Variants in BCAS3 observed in about 807,000 individuals in gnomAD.
The protein encoded by BCAS3 is BCAS4/BCAS3 fusion.
In BCAS3, 53 loss-of-function variants were observed where a neutral mutation model predicts 116.1. The ratio of observed to expected loss-of-function variants is 0.46; its 90% confidence interval spans 0.37 to 0.57. BCAS3 has a LOEUF of 0.57. Ranked by LOEUF, BCAS3 falls within the 20% of genes least tolerant of loss-of-function variation. The pLI is 0.00. For synonymous variants in BCAS3, 391 were observed against 408.2 expected, an observed-to-expected ratio of 0.96 and a Z score of 0.51; for missense variants, 917 against 1,165.4, an observed-to-expected ratio of 0.79 and a Z score of 3.10.
intron 22 of BCAS3, among the ~76,000 whole-genome samples, chr17:61,334,788 T>G (rs2056591527): frequency 1.3e-5 from 2 of 152,142 alleles, no homozygotes; most frequent in African/African-American, 4.8e-5. Flanking sequence ...ATTGTATTTT[T>G]GGGAAACCTA....
intron 22 of BCAS3, among the ~76,000 whole-genome samples, chr17:61,120,540 A>G (rs766173958): frequency 6.6e-5 from 10 of 152,104 alleles, no homozygotes; most frequent in Non-Finnish European, 1.0e-4. Context: ...ATATGCAGAT[A>G]TAGAGTGAAT....
chr17:61,292,417 G>A (rs9890104), intron 22 of BCAS3, among the ~76,000 whole-genome samples: 179 of 152,234 alleles, frequency 1.2e-3, no homozygotes, highest in African/African-American at 4.0e-3. Context: ...TTGGGAGGCC[G>A]AGGTGGGCAG....
In BCAS3 at chr17:61,355,385, A is replaced by G. The variant is rs2058086730; in HGVS notation, c.2426-12942A>G. 1.3e-5 allele frequency among the ~76,000 whole-genome samples: 2 copies of G among 151,210 alleles called. No homozygotes were observed. On this transcript the variant is annotated intron_variant, in intron 22 of 23. Transcript: ENST00000407086. This position sits in a 1 kb window ranked among gnomAD's most constrained non-coding sequence, Gnocchi z 4.2. Reference sequence around the variant, plus strand: ...AGGATTTAGCTGGGTTGCTCCCTCCACCCCCTACCACCCAACTGCAAGAAC... The same window carrying G: ...AGGATTTAGCTGGGTTGCTCCCTCCGCCCCCTACCACCCAACTGCAAGAAC...
chr17:61,216,724 A>C (rs1396999699), intron 22 of BCAS3, among the ~76,000 whole-genome samples: 1 of 150,870 alleles, frequency 6.6e-6, no homozygotes, highest in East Asian at 2.0e-4. Flanking sequence ...TTGTATTTTT[A>C]GTAGAGACGG....
At chr17:61,280,353 C>T in intron 22 of BCAS3, among the ~76,000 whole-genome samples, 1 of 152,192 alleles carries the variant, frequency 6.6e-6, no homozygotes, top group East Asian at 1.9e-4. Context: ...CAGTAGTCCA[C>T]CTCAAAGACA....
intron 7 of BCAS3, among the ~76,000 whole-genome samples, chr17:60,836,359 G>T (rs1464258233): frequency 6.6e-6 from 1 of 152,000 alleles, no homozygotes; most frequent in Admixed American, 6.6e-5. Flanking sequence ...TTAACAAGTA[G>T]TACTAATGCT....
Position 61,124,873 on chromosome 17 carries a change from T to G in BCAS3, c.2425+40309T>G, listed in dbSNP as rs189911984. Among the ~76,000 whole-genome samples, 5 of 152,262 alleles carry G rather than the reference T, an allele frequency of 3.3e-5. No individual in the cohort carries two copies. In the East Asian group the frequency reaches 9.7e-4, roughly 29 times the overall value. ...CAGAGAAATCCTTTGTTTATTCATT[T>G]AGTAGGCAGATTAACCCTAATGAAT... is the stretch of plus-strand genomic sequence containing the variant. On this transcript the variant is annotated intron_variant, in intron 22 of 23. Transcript: ENST00000407086. This position sits in a 1 kb window ranked among gnomAD's most constrained non-coding sequence, Gnocchi z 4.6.
In BCAS3 at chr17:61,367,322, A is replaced by G. The variant is rs1013059064; in HGVS notation, c.2426-1005A>G. Reference sequence around the variant, plus strand: ...CTTAAAGCAACAGAGCGTGACTATAATCTCCTTCCGAGAGAGAGTGGATGA... The same window carrying G: ...CTTAAAGCAACAGAGCGTGACTATAGTCTCCTTCCGAGAGAGAGTGGATGA... On this transcript the variant is annotated intron_variant, in intron 22 of 23. Coordinates refer to ENST00000407086, the MANE Select transcript of BCAS3 (RefSeq NM_017679.5). This position sits in a 1 kb window ranked among gnomAD's most constrained non-coding sequence, Gnocchi z 6.2. Among the ~76,000 whole-genome samples the G allele has an allele frequency of 2.0e-5, 3 of 152,194 alleles. No homozygotes were observed. Among genetic ancestry groups the G allele is most frequent in the African/African-American group, 7.2e-5 (3 of 41,452 alleles).
intron 22 of BCAS3, among the ~76,000 whole-genome samples, chr17:61,358,785 C>T (rs1401558316): frequency 6.6e-5 from 10 of 152,034 alleles, no homozygotes. Flanking sequence ...TGTGAGCCAC[C>T]GCGTCTGGCC....
intron 22 of BCAS3, among the ~76,000 whole-genome samples, chr17:61,253,625 GGAGGAGGGGCAGCTGAGTA>G (rs2048539047): frequency 6.6e-6 from 1 of 151,624 alleles, no homozygotes; most frequent in Admixed American, 6.6e-5. Context: ...ACCCAGGATT[GGAGGAGGGGCAGCTGAGTA>G]GAGGGGAAGA....
In BCAS3 at chr17:61,285,259, T is replaced by TGTGTGTGTGTG. The variant is rs1555807771; in HGVS notation, c.2426-83068_2426-83067insGTGTGTGTGTG. 6.8e-4 allele frequency among the ~76,000 whole-genome samples: 88 copies of TGTGTGTGTGTG among 129,090 alleles called. No individual in the cohort carries two copies. Among genetic ancestry groups the TGTGTGTGTGTG allele is most frequent in the African/African-American group, 2.8e-3 (82 of 28,858 alleles). 84.7% of individuals were successfully genotyped at this position (129,090 alleles called of 152,430 possible). ...TGTGTGTGTGTGTGTGTGTGTGTGT[T>TGTGTGTGTGTG]TCTTGCTAAAATGCAGCAAAGGAAG... On this transcript the variant is annotated intron_variant, in intron 22 of 23. Coordinates refer to ENST00000407086, the MANE Select transcript of BCAS3 (RefSeq NM_017679.5). This position sits in a 1 kb window ranked among gnomAD's most constrained non-coding sequence, Gnocchi z 5.4.
intron 7 of BCAS3, among the ~76,000 whole-genome samples, chr17:60,829,366 C>A (rs562660669): frequency 1.3e-5 from 2 of 151,674 alleles, no homozygotes; most frequent in Admixed American, 1.3e-4. Flanking sequence ...TGGTGGTTTG[C>A]GCCTGTAATC....
At chr17:60,974,182 T>A (rs1438600524) in intron 14 of BCAS3, among the ~76,000 whole-genome samples, 2 of 152,178 alleles carry the variant, frequency 1.3e-5, no homozygotes, top group Non-Finnish European at 1.5e-5. Context: ...TGTTAAATAA[T>A]CCCAAAATGT....
intron 14 of BCAS3, among the ~76,000 whole-genome samples, chr17:60,987,738 T>C (rs1407075059): frequency 1.3e-5 from 2 of 152,164 alleles, no homozygotes; most frequent in Non-Finnish European, 2.9e-5. Context: ...TGGTGGAGTC[T>C]TTAGGTTTTT....
At chr17:60,888,164 G>C (rs557032183) in intron 9 of BCAS3, among the ~76,000 whole-genome samples, 45 of 152,246 alleles carry the variant, frequency 3.0e-4, no homozygotes, top group Non-Finnish European at 5.7e-4. Flanking sequence ...GAAAACAGTT[G>C]TTTTCATTAC....
At position 61,376,510 on chromosome 17, in the gene BCAS3, G is replaced by A. The variant is rs76043163; in HGVS notation, c.2593+8016G>A. ...TTAGTCTTTCGGCCTCCTGAAAGTAGGAATCGCTCTCCTCTCCAGGATCCC... is the reference window on the plus strand; with the variant it reads ...TTAGTCTTTCGGCCTCCTGAAAGTAAGAATCGCTCTCCTCTCCAGGATCCC... On this transcript the variant is annotated intron_variant, in intron 23 of 23. Coordinates refer to ENST00000407086, the MANE Select transcript of BCAS3 (RefSeq NM_017679.5). This position sits in a 1 kb window ranked among gnomAD's most constrained non-coding sequence, Gnocchi z 4.5. Among the ~76,000 whole-genome samples the A allele has an allele frequency of 2.2e-3, 330 of 152,316 alleles. 3 individuals carry two copies. Among genetic ancestry groups the A allele is most frequent in the African/African-American group, 7.7e-3 (319 of 41,562 alleles).
chr17:60,807,172 A>G (rs2048352800), intron 6 of BCAS3, among the ~76,000 whole-genome samples: 1 of 152,192 alleles, frequency 6.6e-6, no homozygotes, highest in Non-Finnish European at 1.5e-5. Context: ...AATATCATTA[A>G]TTACATTAAT....
chr17:61,282,938 TTATA>T lies in BCAS3; in HGVS notation c.2426-85384_2426-85381del, dbSNP rs2051363181. Among the ~76,000 whole-genome samples, 2 of 150,020 alleles carry T rather than the reference TTATA, an allele frequency of 1.3e-5. No individual in the cohort carries two copies. The highest frequency in any genetic ancestry group is 4.9e-5 in the African/African-American group (2 of 41,104). On this transcript the variant is annotated intron_variant, in intron 22 of 23. Coordinates refer to ENST00000407086, the MANE Select transcript of BCAS3 (RefSeq NM_017679.5). This position sits in a 1 kb window ranked among gnomAD's most constrained non-coding sequence, Gnocchi z 5.9. ...TATATATTTTCAATATATTTGTATA[TTATA>T]TATAATACATATTTTATATTTTTAT...
rs1179797202 is a variant in BCAS3, at chr17:61,122,933, T to C, written c.2425+38369T>C. On this transcript the variant is annotated intron_variant, in intron 22 of 23. Transcript: ENST00000407086. The surrounding 1 kb of genome is among the most constrained non-coding windows in gnomAD (Gnocchi z 4.6). ...AAAGACTGTGAAAGATTCCACATTA[T>C]GGGTAAGTCTTTTTTTTTTTTTTTT... Among the ~76,000 whole-genome samples the C allele has an allele frequency of 1.3e-5, 2 of 151,792 alleles. No individual in the cohort carries two copies. The highest frequency in any genetic ancestry group is 2.4e-5 in the African/African-American group (1 of 41,312).
Sources: gnomAD v4.1 joint callset for allele counts (sites outside exome capture counted in the v4.1 genomes callset) on GRCh38, gnomAD v4.1.1 for gene constraint, Gnocchi (gnomAD v3.1) non-coding constraint, MANE v1.5 for transcripts, NCBI Gene and HGNC (gene_info 2026-07-23, HGNC 2026-07-21) for gene names.